The following PDXDC1 variants were observed in gnomAD, a reference collection of about 807,000 sequenced individuals.
PDXDC1 encodes the protein pyridoxal-dependent decarboxylase domain-containing protein 1.
A neutral mutation model predicts 100.1 loss-of-function variants in PDXDC1; 42 were observed. That is an observed-to-expected ratio of 0.42 (90% CI 0.33 to 0.54). The LOEUF is 0.54. Ranked by LOEUF, PDXDC1 falls within the 20% of genes least tolerant of loss-of-function variation. The pLI, the probability that PDXDC1 is intolerant of heterozygous loss-of-function variation, is 0.10. For synonymous variants in PDXDC1, 260 were observed against 371.7 expected (o/e 0.70, Z 3.46); for missense variants, 636 against 979.2 (o/e 0.65, Z 4.68).
intron 16 of PDXDC1, among the ~76,000 whole-genome samples, chr16:15,111,096 C>G (rs546858305): frequency 1.4e-5 from 2 of 145,732 alleles, no homozygotes; most frequent in South Asian, 2.3e-4. Flanking sequence ...CCACTGCACT[C>G]CAGCCTGAGC....
chr16:15,094,982 C>T (rs1299463320), intron 16 of PDXDC1, among the ~76,000 whole-genome samples: 1 of 152,048 alleles, frequency 6.6e-6, no homozygotes, highest in East Asian at 1.9e-4. Flanking sequence ...GGATTACAGG[C>T]GCATGCCACC....
intron 1 of PDXDC1, chr16:14,989,906 C>G (rs1970339077): frequency 6.5e-7 from 1 of 1,532,140 alleles, no homozygotes; most frequent in South Asian, 1.2e-5. Flanking sequence ...CTCCAGGGCC[C>G]AGCGGTACCG....
chr16:14,985,098 C>T (rs576044560), intron 1 of PDXDC1, among the ~76,000 whole-genome samples: 75 of 152,284 alleles, frequency 4.9e-4, no homozygotes, highest in African/African-American at 1.7e-3. Flanking sequence ...AGGCTGGTCT[C>T]GAACTCCTGA....
chr16:15,058,384 G>A (rs1425734359), intron 16 of PDXDC1, among the ~76,000 whole-genome samples: 1 of 152,148 alleles, frequency 6.6e-6, no homozygotes, highest in Admixed American at 6.5e-5. Context: ...TCACAAGATG[G>A]CTGATGGCAA....
chr16:15,002,943 G>A (rs1973471226), intron 4 of PDXDC1, among the ~76,000 whole-genome samples: 1 of 152,220 alleles, frequency 6.6e-6, no homozygotes. Context: ...CTTTTTGTAT[G>A]TTTTAAGACC....
chr16:15,017,966 G>C (rs1213943959), intron 11 of PDXDC1, among the ~76,000 whole-genome samples: 1 of 152,172 alleles, frequency 6.6e-6, no homozygotes, highest in Non-Finnish European at 1.5e-5. Flanking sequence ...GGCTTATTTT[G>C]TATTTTTAGT....
rs1470019895 is a variant in PDXDC1, at chr16:15,124,465, GAAAC to G, written c.1400-14411_1400-14408del. The stretch of plus-strand genomic sequence containing the variant: ...ACCATAAATAGAAAAACAACCCTAA[GAAAC>G]AAGCAAAACAAAAACAAAACAGGGG... On this transcript the variant is annotated intron_variant, in intron 16 of 16. Transcript: ENST00000535621. 5.3e-5 allele frequency among the ~76,000 whole-genome samples: 8 copies of G among 152,132 alleles called. No homozygotes were observed. In the East Asian group the frequency reaches 1.5e-3, roughly 29 times the overall value.
At chr16:15,111,047 G>T (rs1055632005) in intron 16 of PDXDC1, among the ~76,000 whole-genome samples, 1 of 148,906 alleles carries the variant, frequency 6.7e-6, no homozygotes, top group African/African-American at 2.4e-5. Context: ...AGAACCGTTT[G>T]AAGCTGGGAG....
intron 16 of PDXDC1, among the ~76,000 whole-genome samples, chr16:15,095,594 G>A (rs936683956): frequency 1.3e-5 from 2 of 152,168 alleles, no homozygotes; most frequent in African/African-American, 4.8e-5. Context: ...GCTCACGCCT[G>A]TTATCCCAAC....
chr16:15,132,586 C>T (rs2048158647), intron 16 of PDXDC1: 8 of 718,244 alleles, frequency 1.1e-5, no homozygotes, highest in Admixed American at 2.1e-5. Flanking sequence ...GGTCAGAGAC[C>T]GAGGAACGCC....
intron 16 of PDXDC1, among the ~76,000 whole-genome samples, chr16:15,066,209 G>A (rs2044964030): frequency 6.6e-6 from 1 of 152,138 alleles, no homozygotes; most frequent in African/African-American, 2.4e-5. Context: ...AAACCACACT[G>A]GAGGGTGGTT....
chr16:15,133,790 C>A, intron 16 of PDXDC1: 4 of 1,587,194 alleles, frequency 2.5e-6, no homozygotes, highest in East Asian at 2.3e-5. Flanking sequence ...CAGGCCTGTA[C>A]TCACCCGTGC....
chr16:15,004,685 C>G (rs1375601909), intron 5 of PDXDC1, among the ~76,000 whole-genome samples: 1 of 152,228 alleles, frequency 6.6e-6, no homozygotes, highest in Non-Finnish European at 1.5e-5. Context: ...TGTCCCTTAT[C>G]CTTGGGTGTC....
chr16:15,015,036 CACG>C (rs1369063669), intron 8 of PDXDC1, among the ~76,000 whole-genome samples: 15 of 152,384 alleles, frequency 9.8e-5, no homozygotes, highest in African/African-American at 3.1e-4. Context: ...CTCCCAGGTT[CACG>C]CCATTCTCCC....
intron 13 of PDXDC1, among the ~76,000 whole-genome samples, chr16:15,023,115 C>T (rs537577559): frequency 7.2e-5 from 11 of 152,290 alleles, no homozygotes; most frequent in South Asian, 4.1e-4. Flanking sequence ...TCACTTTGTG[C>T]CTCAGAATGC....
intron 16 of PDXDC1, chr16:15,130,839 C>T (rs1164070366): frequency 1.3e-6 from 1 of 760,372 alleles, no homozygotes; most frequent in Admixed American, 2.1e-5. Flanking sequence ...GCTCAACCAC[C>T]CGGGGGACAC....
At chr16:14,981,845 T>TG (rs1239519293) in intron 1 of PDXDC1, among the ~76,000 whole-genome samples, 5 of 152,244 alleles carry the variant, frequency 3.3e-5, no homozygotes, top group African/African-American at 1.2e-4. Context: ...TTTTTTTTTT[T>TG]TGAGATGGAG....
intron 16 of PDXDC1, among the ~76,000 whole-genome samples, chr16:15,058,218 C>T (rs2044592224): frequency 6.6e-6 from 1 of 151,822 alleles, no homozygotes; most frequent in African/African-American, 2.4e-5. Context: ...CAATCAAGCC[C>T]TAGAGGTCAA....
chr16:15,076,700 C>G (rs1299484405), intron 16 of PDXDC1: 1 of 1,326,464 alleles, frequency 7.5e-7, no homozygotes, highest in South Asian at 1.2e-5. Context: ...AAAAATACAA[C>G]TATGTTATTT....
Sources: allele counts gnomAD v4.1 joint callset (sites outside exome capture counted in the v4.1 genomes callset), GRCh38; gene constraint gnomAD v4.1.1; transcripts MANE v1.5; gene names NCBI Gene and HGNC (gene_info 2026-07-23, HGNC 2026-07-21).